PNPLA7: variants seen among roughly 807,000 people sequenced by gnomAD.
PNPLA7 encodes the protein patatin-like phospholipase domain-containing protein 7.
Under a neutral mutation model 161.7 loss-of-function variants are expected in PNPLA7, and 153 were observed. The ratio of observed to expected loss-of-function variants is 0.95; its 90% CI spans 0.83 to 1.08. The LOEUF (loss-of-function observed/expected upper bound fraction) is 1.08, where lower values mean the gene tolerates loss of function less well. Among genes scored for constraint, PNPLA7 ranks in the 50% least tolerant of loss-of-function variants. PNPLA7 has a pLI of 0.00. For missense variants in PNPLA7, 1,739 were observed against 1,856.6 expected (o/e 0.94, Z 1.16); for synonymous variants, 809 against 782.1 (o/e 1.03, Z -0.57).
At chr9:137,546,467 G>C (rs562917714) in intron 4 of PNPLA7, among the ~76,000 whole-genome samples, 70 of 152,238 alleles carry the variant, frequency 4.6e-4, no homozygotes, top group African/African-American at 1.6e-3. Context: ...TCTCCGCACA[G>C]GGGGAGAAAC....
At chr9:137,502,752 AGC>A (rs1833550547) in intron 14 of PNPLA7, among the ~76,000 whole-genome samples, 2 of 11,732 alleles carry the variant, frequency 1.7e-4, no homozygotes, top group South Asian at 3.9e-3. Context: ...GGGATGTGGG[AGC>A]CGGCCACGGT....
rs974282829 is a variant in PNPLA7 at position 137,501,550 on chromosome 9, C to T, written c.1551+100G>A. 4.3e-6 allele frequency: 5 copies of T among 1,169,952 alleles called. 1 individual carries two copies. The South Asian group carries it at 4.3e-5, about 10-fold the overall frequency. 72.5% of individuals were successfully genotyped at this position (1,169,952 alleles called of 1,614,324 possible). A position where few individuals can be genotyped will look rare whatever the true frequency, so the allele number is the denominator to read the frequency against. On this transcript the variant is annotated intron_variant, in intron 15 of 34. Transcript: ENST00000406427. Reference sequence around the variant, plus strand: ...CAGTGGCCCGGTGCTGGGAGGTCCCCAGTCACTGGTGTCCAGTCCAGGCCC... The same window carrying T: ...CAGTGGCCCGGTGCTGGGAGGTCCCTAGTCACTGGTGTCCAGTCCAGGCCC...
intron 17 of PNPLA7, among the ~76,000 whole-genome samples, 173 bp downstream of exon 17, chr9:137,497,941 C>T (rs1833153309): frequency 6.6e-6 from 1 of 152,226 alleles, no homozygotes; most frequent in African/African-American, 2.4e-5. Flanking sequence ...CAGGAGGCCA[C>T]GAAGTGTGTT....
At chr9:137,534,130 C>A (rs1429136150) in intron 8 of PNPLA7, among the ~76,000 whole-genome samples, 1 of 150,454 alleles carries the variant, frequency 6.6e-6, no homozygotes, top group Non-Finnish European at 1.5e-5. Context: ...GGCGGGAGGA[C>A]TCCCAGAATC....
rs746732179 is a variant in PNPLA7, at chr9:137,521,728, C to T, written c.877-12G>A. ...CGCACCATGATGATCTGCAAGAACA[C>T]GCCAGCTGCGCGGTGACCACCGGCC... On this transcript the variant is annotated splice_polypyrimidine_tract_variant and intron_variant, in intron 9 of 34. Coordinates refer to ENST00000406427, the MANE Select transcript of PNPLA7 (RefSeq NM_001098537.3). The T allele has an allele frequency of 4.6e-5, 74 of 1,606,930 alleles. No homozygotes were observed. The highest frequency in any genetic ancestry group is 1.8e-4 in the East Asian group (8 of 44,790).
intron 24 of PNPLA7, 66 bp downstream of exon 24, chr9:137,478,990 T>C: frequency 1.4e-6 from 2 of 1,458,522 alleles, no homozygotes; most frequent in Non-Finnish European, 1.8e-6. Flanking sequence ...ATGTGAAGAA[T>C]GCTTCGAACG....
intron 8 of PNPLA7, among the ~76,000 whole-genome samples, chr9:137,535,964 A>G (rs1325669153): frequency 6.6e-6 from 1 of 151,816 alleles, no homozygotes; most frequent in Non-Finnish European, 1.5e-5. Flanking sequence ...CATCCTGGCT[A>G]ACATGGTGAA....
At chr9:137,472,465 A>G (rs1416860723) in intron 25 of PNPLA7, among the ~76,000 whole-genome samples, 1 of 151,564 alleles carries the variant, frequency 6.6e-6, no homozygotes, top group East Asian at 1.9e-4. Context: ...AGCCTGGCCA[A>G]CATGGTGAAA....
chr9:137,536,241 C>T (rs1835883035), intron 8 of PNPLA7, among the ~76,000 whole-genome samples: 2 of 152,084 alleles, frequency 1.3e-5, no homozygotes, highest in African/African-American at 4.8e-5. Flanking sequence ...GGTTTCCAAA[C>T]ATACACCTCC....
chr9:137,481,451 T>G (rs1033247520), intron 21 of PNPLA7, among the ~76,000 whole-genome samples: 2 of 152,332 alleles, frequency 1.3e-5, no homozygotes, highest in Admixed American at 1.3e-4. Flanking sequence ...TCCCCAGTGT[T>G]GACATGCCTG....
Position 137,547,543 on chromosome 9 carries a change from G to A in PNPLA7, c.105+42C>T, listed in dbSNP as rs760212300. 9.0e-5 allele frequency: 144 copies of A among 1,608,270 alleles called. 1 individual carries two copies. The highest frequency in any genetic ancestry group is 1.0e-4 in the Non-Finnish European group (121 of 1,175,478). On this transcript the variant is annotated intron_variant, in intron 2 of 34. Coordinates refer to ENST00000406427, the MANE Select transcript of PNPLA7 (RefSeq NM_001098537.3). The surrounding 1 kb of genome is among the most constrained non-coding windows in gnomAD (Gnocchi z 4.6). Reference sequence around the variant, plus strand: ...GACAGGGAGAGGTGAAAAAGGCCACGGCCCATCCAGGTCTGGCTCCAGGGA... The same window carrying A: ...GACAGGGAGAGGTGAAAAAGGCCACAGCCCATCCAGGTCTGGCTCCAGGGA...
intron 14 of PNPLA7, among the ~76,000 whole-genome samples, chr9:137,503,779 GA>G (rs1554768247): frequency 0.05 from 3 of 60 alleles, no homozygotes; most frequent in Non-Finnish European, 0.058. Flanking sequence ...GAAGAAAAAA[GA>G]AAGAAGAGAA....
chr9:137,477,209 G>A (rs1377669262), intron 25 of PNPLA7, among the ~76,000 whole-genome samples: 3 of 152,222 alleles, frequency 2.0e-5, no homozygotes, highest in South Asian at 2.1e-4. Flanking sequence ...CACCCTCCTC[G>A]TGGCTCCCAG....
rs1836197860 is a variant in PNPLA7 at position 137,541,454 on chromosome 9, C to G, written c.667-732G>C. On this transcript the variant is annotated intron_variant, in intron 7 of 34. Transcript: ENST00000406427. This position sits in a 1 kb window ranked among gnomAD's most constrained non-coding sequence, Gnocchi z 4.4. ...TAATTTGCCCAGCAGCGCTTTTGGT[C>G]TAGAAACCCCGACAGGCAGTGCCGG... The G allele has an allele frequency of 1.0e-6, 1 of 985,342 alleles. No homozygotes were observed. 61.0% of individuals were successfully genotyped at this position (985,342 alleles called of 1,614,324 possible).
At chr9:137,502,193 CAG>C (rs1833467856) in intron 14 of PNPLA7, among the ~76,000 whole-genome samples, 1 of 152,144 alleles carries the variant, frequency 6.6e-6, no homozygotes, top group African/African-American at 2.4e-5. Context: ...ACCCAGAAGG[CAG>C]AGGTTGCAGT....
chr9:137,474,134 G>A (rs1831834205), intron 25 of PNPLA7, among the ~76,000 whole-genome samples: 1 of 152,170 alleles, frequency 6.6e-6, no homozygotes, highest in Non-Finnish European at 1.5e-5. Context: ...AGCTACTGGG[G>A]AGGCTGAGGT....
chr9:137,479,227 C>G lies in PNPLA7; in HGVS notation c.2592G>C (p.Met864Ile), dbSNP rs1832088056. 5.2e-6 allele frequency: 8 copies of G among 1,538,418 alleles called. No homozygotes were observed. The highest frequency in any genetic ancestry group is 6.1e-6 in the Non-Finnish European group (7 of 1,139,334). ...GGGCACGCACAGCTGTGCTCTCCAG[C>G]ATCCGCTCCAGCTGAAAGGCAGAGC... ...QEPTVGELERMLESTAVRAQK... is the reference protein window; with the variant it reads ...QEPTVGELERILESTAVRAQK... The change falls in exon 24 of 35, where the codon ATG (methionine) becomes ATC (isoleucine). Residue 864 changes from methionine to isoleucine, a missense_variant. By Grantham distance (10) the Met-to-Ile change is conservative. This residue lies in a region of PNPLA7 where 703 missense variants were observed against 694.6 expected (regional missense o/e 1.01). Transcript: ENST00000406427.
intron 20 of PNPLA7, among the ~76,000 whole-genome samples, chr9:137,487,864 C>T (rs1269273012): frequency 3.3e-5 from 5 of 152,198 alleles, no homozygotes; most frequent in African/African-American, 7.2e-5. Context: ...CAACCTGGCA[C>T]GCCCTGCGAG....
Position 137,540,590 on chromosome 9 carries a change from C to T in PNPLA7, c.747+52G>A. ...GTCCAGACAAGACAGAAAAACCAGGCCTCCGGGGCCAACCCAGGGGCGCCC... is the reference window on the plus strand; with the variant it reads ...GTCCAGACAAGACAGAAAAACCAGGTCTCCGGGGCCAACCCAGGGGCGCCC... On this transcript the variant is annotated intron_variant, in intron 8 of 34. Transcript: ENST00000406427. This position sits in a 1 kb window ranked among gnomAD's most constrained non-coding sequence, Gnocchi z 5.1. The T allele has an allele frequency of 6.7e-7, 1 of 1,500,680 alleles. No homozygotes were observed. The highest frequency in any genetic ancestry group is 9.1e-7 in the Non-Finnish European group (1 of 1,100,610). The allele number at this position is 1,500,680 out of a possible 1,614,324, so 93.0% of individuals were successfully genotyped here. A position where few individuals can be genotyped will look rare whatever the true frequency, so the allele number is the denominator to read the frequency against.
Sources: allele counts gnomAD v4.1 joint callset (sites outside exome capture counted in the v4.1 genomes callset), GRCh38; gene constraint gnomAD v4.1.1; regional missense constraint gnomAD v4.1.1; non-coding constraint Gnocchi (gnomAD v3.1); transcripts MANE v1.5; gene names NCBI Gene and HGNC (gene_info 2026-07-23, HGNC 2026-07-21).